The following ACTG2 variants were observed in gnomAD, a reference collection of about 807,000 sequenced individuals.
The protein encoded by ACTG2 is actin, gamma-enteric smooth muscle.
Under a neutral mutation model 37.6 loss-of-function variants are expected in ACTG2, and 16 were observed. The observed-to-expected ratio is 0.43, with a 90% CI of 0.29 to 0.65. ACTG2 has a LOEUF of 0.65. Among genes scored for constraint, ACTG2 ranks in the 30% least tolerant of loss-of-function variants. The pLI, the probability that ACTG2 is intolerant of heterozygous loss-of-function variation, is 0.18. For missense variants in ACTG2, 238 were observed against 490.9 expected (o/e 0.48, Z 4.87); for synonymous variants, 181 against 179.9 (o/e 1.01, Z -0.05).
In ACTG2 at chr2:73,909,149, C is replaced by A; in HGVS notation, c.451+10C>A. 6.2e-7 allele frequency: 1 copy of A among 1,607,648 alleles called. No homozygotes were observed. The highest frequency in any genetic ancestry group is 8.5e-7 in the Non-Finnish European group (1 of 1,174,078). On this transcript the variant is annotated intron_variant, in intron 5 of 8. Coordinates refer to ENST00000345517, the MANE Select transcript of ACTG2 (RefSeq NM_001615.4). ...TCTGGCCGCACGACAGGTGAGTAAT[C>A]CTGTAATCCATTCCTTTTCTGACTT...
At chr2:73,904,765 GTGTGTGTGTGTGTATATA>G (rs1354351742) in intron 3 of ACTG2, among the ~76,000 whole-genome samples, 516 of 59,924 alleles carry the variant, frequency 8.6e-3, no homozygotes, top group Non-Finnish European at 0.011. Context: ...GTGTGTGTGT[GTGTGTGTGTGTGTATATA>G]TATATATATA....
intron 1 of ACTG2, among the ~76,000 whole-genome samples, chr2:73,894,456 C>G (rs927414090): frequency 2.0e-5 from 3 of 152,130 alleles, no homozygotes; most frequent in African/African-American, 7.2e-5. Flanking sequence ...GACATCATGA[C>G]CTTGGGGCGA....
At chr2:73,908,635 G>A in intron 3 of ACTG2, 38 bp from the exon 4 acceptor site, 3 of 1,517,226 alleles carry the variant, frequency 2.0e-6, no homozygotes, top group Non-Finnish European at 2.7e-6. Context: ...CCAGCCATTG[G>A]GAGTCTGCCA....
chr2:73,906,625 T>G (rs975212582), intron 3 of ACTG2, among the ~76,000 whole-genome samples: 6 of 151,590 alleles, frequency 4.0e-5, no homozygotes, highest in African/African-American at 1.2e-4. Context: ...GGAACAGAGG[T>G]GCACACCACA....
At chr2:73,913,371 T>C in intron 5 of ACTG2, 114 bp from the exon 6 acceptor site, 1 of 1,012,572 alleles carries the variant, frequency 9.9e-7, no homozygotes, top group Non-Finnish European at 1.4e-6. Context: ...GGGTGAATAT[T>C]CTTAACTGGT....
chr2:73,901,147 C>T (rs1490354891), intron 1 of ACTG2, 129 bp from the exon 2 acceptor site: 1 of 715,552 alleles, frequency 1.4e-6, no homozygotes, highest in Non-Finnish European at 2.1e-6. Flanking sequence ...AGTGGGAGGC[C>T]AAGCCCATGC....
At chr2:73,899,612 T>A (rs11895672) in intron 1 of ACTG2, among the ~76,000 whole-genome samples, 6,100 of 152,266 alleles carry the variant, frequency 0.04, 391 homozygotes, top group African/African-American at 0.14. Flanking sequence ...GCTTTATATT[T>A]TCATTCAATT....
Position 73,898,952 on chromosome 2 carries a change from G to A in ACTG2, c.-36-2324G>A, listed in dbSNP as rs542997550. Among the ~76,000 whole-genome samples the A allele has an allele frequency of 6.3e-4, 96 of 151,596 alleles. 3 individuals are homozygous for A. The South Asian group carries it at 0.016, about 25-fold the overall frequency. On this transcript the variant is annotated intron_variant, in intron 1 of 8. Coordinates refer to ENST00000345517, the MANE Select transcript of ACTG2 (RefSeq NM_001615.4). ...CGAGTAGCTGGGACTACAGGCGCCC[G>A]CCACCATGCCTGGGTAATTTTCTTT... is the stretch of plus-strand genomic sequence containing the variant.
chr2:73,902,055 G>C (rs1334949963), intron 2 of ACTG2, among the ~76,000 whole-genome samples: 1 of 150,012 alleles, frequency 6.7e-6, no homozygotes, highest in Non-Finnish European at 1.5e-5. Context: ...GTGTGTGTGT[G>C]TGTGTGTCTG....
intron 1 of ACTG2, among the ~76,000 whole-genome samples, chr2:73,894,594 A>G (rs1294318467): frequency 6.6e-6 from 1 of 152,170 alleles, no homozygotes; most frequent in Non-Finnish European, 1.5e-5. Context: ...AGACAGATAA[A>G]CAGATGAGAA....
chr2:73,908,654 T>C lies in ACTG2; in HGVS notation c.256-19T>C. Reference sequence around the variant, plus strand: ...CCATTGGGAGTCTGCCAGGCTCATATGGCTTTTGTCTCCACTAGATCTGGC... The same window carrying C: ...CCATTGGGAGTCTGCCAGGCTCATACGGCTTTTGTCTCCACTAGATCTGGC... On this transcript the variant is annotated intron_variant, in intron 3 of 8. Transcript: ENST00000345517. 1.3e-6 allele frequency: 2 copies of C among 1,579,888 alleles called. No individual in the cohort carries two copies. The highest frequency in any genetic ancestry group is 8.6e-7 in the Non-Finnish European group (1 of 1,161,528).
chr2:73,902,274 CCTT>C (rs1342253715), intron 2 of ACTG2, 83 bp from the exon 3 acceptor site: 5 of 1,501,618 alleles, frequency 3.3e-6, no homozygotes, highest in Non-Finnish European at 4.5e-6. Flanking sequence ...CCATCCTTAT[CCTT>C]CTTCAGAGAC....
intron 3 of ACTG2, among the ~76,000 whole-genome samples, chr2:73,903,939 C>CAAAA (rs61362643): frequency 2.0e-4 from 18 of 90,014 alleles, no homozygotes; most frequent in African/African-American, 6.8e-4. Flanking sequence ...GACTCCGTCT[C>CAAAA]AAAAAAAAAA....
chr2:73,899,664 C>A (rs912354399), intron 1 of ACTG2, among the ~76,000 whole-genome samples: 1 of 152,116 alleles, frequency 6.6e-6, no homozygotes, highest in Non-Finnish European at 1.5e-5. Context: ...AAGAGTAGAG[C>A]CCTGGGACAT....
intron 3 of ACTG2, chr2:73,908,410 G>C (rs947857162): frequency 5.4e-6 from 3 of 558,320 alleles, no homozygotes; most frequent in Middle Eastern, 5.6e-4. Context: ...GACTGTAGGA[G>C]AGTGAAGAGG....
At chr2:73,902,658 A>T in intron 3 of ACTG2, 170 bp downstream of exon 3, 6 of 1,551,986 alleles carry the variant, frequency 3.9e-6, no homozygotes, top group African/African-American at 2.7e-5. Flanking sequence ...GGCTGCCAAC[A>T]TCTCTCCCTG....
chr2:73,893,098 T>G (rs1448508485), intron 1 of ACTG2, 47 bp downstream of exon 1: 1 of 152,476 alleles, frequency 6.6e-6, no homozygotes, highest in Non-Finnish European at 1.5e-5. Flanking sequence ...CGGGGCTGCC[T>G]GGCCTCCTGG....
intron 1 of ACTG2, among the ~76,000 whole-genome samples, chr2:73,899,057 A>G (rs1002370771): frequency 1.1e-4 from 16 of 151,604 alleles, no homozygotes; most frequent in African/African-American, 2.9e-4. Context: ...TGATCCGCCC[A>G]CCTTGGCCTC....
At chr2:73,902,901 AT>A in intron 3 of ACTG2, 1 of 909,110 alleles carries the variant, frequency 1.1e-6, no homozygotes, top group South Asian at 1.8e-5. Context: ...TTCCTGCAAT[AT>A]TTACTCAGGC....
Sources: allele counts gnomAD v4.1 joint callset (sites outside exome capture counted in the v4.1 genomes callset), GRCh38; gene constraint gnomAD v4.1.1; transcripts MANE v1.5; gene names NCBI Gene and HGNC (gene_info 2026-07-23, HGNC 2026-07-21).